Variants in ITGBL1 observed in about 807,000 individuals in gnomAD.
ITGBL1 encodes integrin subunit beta like 1.
Under a neutral mutation model 68.5 loss-of-function variants are expected in ITGBL1, and 51 were observed. That is an observed-to-expected ratio of 0.74 (90% CI 0.59 to 0.94). The LOEUF is 0.94. Ranked by LOEUF, ITGBL1 falls within the 40% of genes least tolerant of loss-of-function variation. The pLI, the probability that ITGBL1 is intolerant of heterozygous loss-of-function variation, is 0.00. For missense variants in ITGBL1, 649 were observed against 647.4 expected (o/e 1.00, Z -0.03); for synonymous variants, 209 against 227.3 (o/e 0.92, Z 0.72).
At position 101,697,679 on chromosome 13, in the gene ITGBL1, A is replaced by G. The variant is rs536131975; in HGVS notation, c.1132+4978A>G. On this transcript the variant is annotated intron_variant, in intron 8 of 10. Coordinates refer to ENST00000376180, the MANE Select transcript of ITGBL1 (RefSeq NM_004791.3). ...TTTGGTTTACCTATGTATTTGTTTG[A>G]CCTGTCTACCTTGGTTTACTCCTAT... 5.6e-4 allele frequency among the ~76,000 whole-genome samples: 85 copies of G among 152,176 alleles called. 1 individual carries two copies. In the South Asian group the frequency reaches 0.017, roughly 30 times the overall value.
chr13:101,539,687 A>C (rs1433454418), intron 2 of ITGBL1, among the ~76,000 whole-genome samples: 1 of 151,320 alleles, frequency 6.6e-6, no homozygotes, highest in Middle Eastern at 3.4e-3. Context: ...AAGTGTTCCT[A>C]TTTCTCCACA....
chr13:101,473,772 T>G (rs944652514), intron 2 of ITGBL1, among the ~76,000 whole-genome samples: 50 of 152,204 alleles, frequency 3.3e-4, no homozygotes, highest in African/African-American at 1.1e-3. Flanking sequence ...GTCTTACAAC[T>G]TGCATACCAG....
At chr13:101,531,741 T>G (rs377684313) in intron 2 of ITGBL1, among the ~76,000 whole-genome samples, 1 of 127,780 alleles carries the variant, frequency 7.8e-6, no homozygotes, top group African/African-American at 2.7e-5. Context: ...ATTTATTTAT[T>G]TATGTTTTTT....
At chr13:101,513,741 C>A (rs2049151625) in intron 2 of ITGBL1, among the ~76,000 whole-genome samples, 1 of 151,992 alleles carries the variant, frequency 6.6e-6, no homozygotes, top group South Asian at 2.1e-4. Context: ...CCCATGAAAT[C>A]AAGTTCTGAA....
At chr13:101,528,890 G>A (rs1181159174) in intron 2 of ITGBL1, among the ~76,000 whole-genome samples, 1 of 151,536 alleles carries the variant, frequency 6.6e-6, no homozygotes, top group African/African-American at 2.4e-5. Flanking sequence ...CATCCCTAGA[G>A]GTAATAAAAA....
intron 2 of ITGBL1, among the ~76,000 whole-genome samples, chr13:101,483,441 C>G (rs912100577): frequency 1.3e-5 from 2 of 152,154 alleles, no homozygotes; most frequent in Admixed American, 1.3e-4. Flanking sequence ...AAGACAACCT[C>G]AGGCCAAAAT....
At chr13:101,656,566 G>A (rs2032931454) in intron 7 of ITGBL1, among the ~76,000 whole-genome samples, 1 of 151,944 alleles carries the variant, frequency 6.6e-6, no homozygotes, top group African/African-American at 2.4e-5. Flanking sequence ...AGGAACTTGG[G>A]CAAGATAAAA....
chr13:101,545,096 C>T (rs985749909), intron 2 of ITGBL1, among the ~76,000 whole-genome samples: 16 of 152,144 alleles, frequency 1.1e-4, no homozygotes, highest in African/African-American at 3.4e-4. Context: ...TGAGATGAAC[C>T]CGGTACCTCA....
chr13:101,453,806 G>C (rs2048196901), intron 1 of ITGBL1, 77 bp from the exon 2 acceptor site: 1 of 973,302 alleles, frequency 1.0e-6, no homozygotes, highest in African/African-American at 1.7e-5. Flanking sequence ...GGGGACACTG[G>C]GGAGGAAACG....
intron 2 of ITGBL1, among the ~76,000 whole-genome samples, chr13:101,559,414 T>G (rs964048784): frequency 6.6e-6 from 1 of 152,234 alleles, no homozygotes; most frequent in Non-Finnish European, 1.5e-5. Context: ...ACTAGATTTC[T>G]GAATTATTTC....
intron 5 of ITGBL1, among the ~76,000 whole-genome samples, chr13:101,582,408 A>T (rs969123901): frequency 2.6e-5 from 4 of 152,182 alleles, no homozygotes; most frequent in African/African-American, 9.7e-5. Context: ...TGTAAGAGGT[A>T]AGAAAAGGAT....
At chr13:101,672,360 T>C (rs371082883) in intron 7 of ITGBL1, among the ~76,000 whole-genome samples, 29 of 152,194 alleles carry the variant, frequency 1.9e-4, no homozygotes, top group African/African-American at 6.8e-4. Context: ...AGGTTTTCCT[T>C]TTAATGAAAA....
intron 9 of ITGBL1, 77 bp from the exon 10 acceptor site, chr13:101,714,361 T>C (rs2034619023): frequency 1.2e-6 from 1 of 839,638 alleles, no homozygotes; most frequent in Non-Finnish European, 2.1e-6. Flanking sequence ...CTGTTGTCAG[T>C]GTGTCAACGA....
intron 3 of ITGBL1, among the ~76,000 whole-genome samples, chr13:101,570,538 A>G (rs1251599784): frequency 6.6e-6 from 1 of 152,198 alleles, no homozygotes; most frequent in East Asian, 1.9e-4. Context: ...TGTGTCAAAA[A>G]AGTAGATTGA....
At chr13:101,700,652 T>G (rs1451579719) in intron 8 of ITGBL1, among the ~76,000 whole-genome samples, 1 of 152,236 alleles carries the variant, frequency 6.6e-6, no homozygotes, top group African/African-American at 2.4e-5. Context: ...TCATTTGCTA[T>G]GTTCTCATTT....
intron 2 of ITGBL1, among the ~76,000 whole-genome samples, chr13:101,495,689 G>C (rs1216722230): frequency 5.3e-5 from 8 of 151,940 alleles, no homozygotes; most frequent in Admixed American, 5.3e-4. Context: ...CTCCTATAAG[G>C]ATGGGCATGA....
intron 7 of ITGBL1, among the ~76,000 whole-genome samples, chr13:101,611,422 T>C (rs773235612): frequency 3.3e-5 from 5 of 152,134 alleles, no homozygotes; most frequent in Non-Finnish European, 7.4e-5. Context: ...CAAGCACAAA[T>C]CCAAAATTGT....
chr13:101,691,274 G>A (rs1229907454), intron 7 of ITGBL1, among the ~76,000 whole-genome samples: 1 of 152,190 alleles, frequency 6.6e-6, no homozygotes, highest in Non-Finnish European at 1.5e-5. Flanking sequence ...AGGTCAGCCA[G>A]CACAACACTG....
Position 101,715,639 on chromosome 13 carries a change from C to A in ITGBL1, c.1470C>A (p.Gly490=). The change falls in exon 11 of 11, where the codon GGC becomes GGA. Residue 490 remains glycine (G), a synonymous_variant. Coordinates refer to ENST00000376180, the MANE Select transcript of ITGBL1 (RefSeq NM_004791.3). The part of the protein sequence containing the change: ...WNGNACEIWL[G]SEYP Reference sequence around the variant, plus strand: ...GAAATGCATGTGAAATCTGGCTTGGCTCAGAATATCCTTAACAATTACATG... The same window carrying A: ...GAAATGCATGTGAAATCTGGCTTGGATCAGAATATCCTTAACAATTACATG... 6.2e-7 allele frequency: 1 copy of A among 1,609,696 alleles called. No homozygotes were observed. Among genetic ancestry groups the A allele is most frequent in the Non-Finnish European group, 8.5e-7 (1 of 1,176,222 alleles).
Sources: gnomAD v4.1 joint callset for allele counts (sites outside exome capture counted in the v4.1 genomes callset) on GRCh38, gnomAD v4.1.1 for gene constraint, MANE v1.5 for transcripts, NCBI Gene and HGNC (gene_info 2026-07-23, HGNC 2026-07-21) for gene names.